NAALADL2: variants seen among roughly 807,000 people sequenced by gnomAD.
NAALADL2 encodes inactive N-acetylated-alpha-linked acidic dipeptidase-like protein 2.
A neutral mutation model predicts 87.2 loss-of-function variants in NAALADL2; 76 were observed. The ratio of observed to expected loss-of-function variants is 0.87; its 90% CI spans 0.72 to 1.05. The LOEUF is 1.05. NAALADL2 is among the 50% of genes least tolerant of loss of function. NAALADL2 has a pLI of 0.00. For synonymous variants in NAALADL2, 354 were observed against 331.0 expected (o/e 1.07, Z -0.75); for missense variants, 1,089 against 945.8 (o/e 1.15, Z -1.99).
At position 174,793,046 on chromosome 3, in the gene NAALADL2, G is replaced by C. The variant is rs191710862; in HGVS notation, c.-9+55300G>C. ...ATTGAAATATGAAGATTCACTTTGAGTGCATGGAACCACTGCACTTAAAAG... is the reference window on the plus strand; with the variant it reads ...ATTGAAATATGAAGATTCACTTTGACTGCATGGAACCACTGCACTTAAAAG... On this transcript the variant is annotated intron_variant, in intron 3 of 3. Transcript: ENST00000434257. 3.4e-4 allele frequency among the ~76,000 whole-genome samples: 52 copies of C among 152,182 alleles called. 1 individual carries two copies. The highest frequency in any genetic ancestry group is 4.1e-4 in the South Asian group (2 of 4,826).
intron 8 of NAALADL2, among the ~76,000 whole-genome samples, 199 bp downstream of exon 8, chr3:175,467,383 C>T (rs1400845779): frequency 1.3e-5 from 2 of 152,092 alleles, no homozygotes; most frequent in Admixed American, 1.3e-4. Context: ...CTTCAAATAT[C>T]TTACCCCTAT....
intron 1 of NAALADL2, among the ~76,000 whole-genome samples, chr3:174,969,841 G>A (rs181987731): frequency 6.6e-6 from 1 of 152,208 alleles, no homozygotes. Context: ...GCAGAAGACA[G>A]AAAATAAAGA....
chr3:174,945,064 C>G (rs1290122580), intron 1 of NAALADL2, among the ~76,000 whole-genome samples: 1 of 152,172 alleles, frequency 6.6e-6, no homozygotes, highest in East Asian at 1.9e-4. Context: ...CCCTCCCCAT[C>G]TAGGTTTTAG....
intron 5 of NAALADL2, among the ~76,000 whole-genome samples, chr3:175,437,822 T>A (rs534332438): frequency 6.6e-6 from 1 of 152,300 alleles, no homozygotes; most frequent in African/African-American, 2.4e-5. Context: ...ATTCTTTTAG[T>A]ATCAGAATGC....
chr3:174,928,008 C>T (rs1304848241), intron 1 of NAALADL2, among the ~76,000 whole-genome samples: 7 of 152,130 alleles, frequency 4.6e-5, no homozygotes, highest in Non-Finnish European at 8.8e-5. Flanking sequence ...ACTATAGCCA[C>T]CTTCTTATTT....
chr3:175,228,634 CTTAAA>C (rs927772427), intron 2 of NAALADL2, among the ~76,000 whole-genome samples: 9 of 151,878 alleles, frequency 5.9e-5, no homozygotes, highest in African/African-American at 1.7e-4. Flanking sequence ...TTAAAAAATT[CTTAAA>C]TTAAAATCAT....
chr3:175,536,674 G>C lies in NAALADL2; in HGVS notation c.1654-39367G>C, dbSNP rs185623289. Among the ~76,000 whole-genome samples, 297 of 152,150 alleles carry C rather than the reference G, an allele frequency of 2.0e-3. 1 individual carries two copies. The highest frequency in any genetic ancestry group is 6.7e-3 in the African/African-American group (279 of 41,532). ...AACCTATTTTATTTTGTTAAAATAA[G>C]AATGTATTATGTTTAGTTTTAGCAG... On this transcript the variant is annotated intron_variant, in intron 9 of 13. Transcript: ENST00000454872.
chr3:175,150,789 A>G (rs1047281510), intron 2 of NAALADL2, among the ~76,000 whole-genome samples: 10 of 152,212 alleles, frequency 6.6e-5, no homozygotes, highest in African/African-American at 2.2e-4. Context: ...TTCATCAAAC[A>G]TTAATGATAG....
At chr3:175,075,518 A>G (rs1470451513) in intron 1 of NAALADL2, among the ~76,000 whole-genome samples, 1 of 152,146 alleles carries the variant, frequency 6.6e-6, no homozygotes, top group African/African-American at 2.4e-5. Context: ...TAGTGATGCA[A>G]TTTTCATTAA....
intron 1 of NAALADL2, among the ~76,000 whole-genome samples, chr3:174,895,966 A>G (rs746252219): frequency 3.9e-5 from 6 of 152,184 alleles, no homozygotes; most frequent in Non-Finnish European, 8.8e-5. Context: ...TTGATGCTGA[A>G]AAAGCATTTG....
intron 11 of NAALADL2, among the ~76,000 whole-genome samples, chr3:175,632,015 T>C (rs890485450): frequency 1.3e-5 from 2 of 152,078 alleles, no homozygotes; most frequent in Admixed American, 6.6e-5. Flanking sequence ...TAATAAATTA[T>C]ATCATATTAA....
rs1051935420 is a variant in NAALADL2 at position 175,517,015 on chromosome 3, A to G, written c.1653+45257A>G. Among the ~76,000 whole-genome samples, 3 of 152,330 alleles carry G rather than the reference A, an allele frequency of 2.0e-5. 1 individual carries two copies. Among genetic ancestry groups the G allele is most frequent in the Non-Finnish European group, 4.4e-5 (3 of 68,032 alleles). On this transcript the variant is annotated intron_variant, in intron 9 of 13. Transcript: ENST00000454872. The stretch of plus-strand genomic sequence containing the variant: ...CTATTTGTCTTTCTAAAATTCTTCA[A>G]GAACAACTCTTCTTTCAGTACAATA...
intron 10 of NAALADL2, among the ~76,000 whole-genome samples, chr3:175,601,266 AAC>A (rs1390794379): frequency 2.0e-5 from 3 of 152,224 alleles, no homozygotes. Context: ...AATAATTAAT[AAC>A]ACCATATTAA....
chr3:174,838,702 G>T (rs1579145813), intron 3 of NAALADL2, among the ~76,000 whole-genome samples: 1 of 151,966 alleles, frequency 6.6e-6, no homozygotes, highest in African/African-American at 2.4e-5. Flanking sequence ...CACCAATAGC[G>T]ACCAATTGGA....
intron 5 of NAALADL2, among the ~76,000 whole-genome samples, chr3:175,364,751 C>T (rs1765378595): frequency 1.4e-5 from 2 of 146,938 alleles, no homozygotes. Context: ...AAATGTATTG[C>T]CTTACATGAG....
At chr3:174,810,205 A>G (rs1050284810) in intron 3 of NAALADL2, among the ~76,000 whole-genome samples, 1 of 152,210 alleles carries the variant, frequency 6.6e-6, no homozygotes, top group African/African-American at 2.4e-5. Flanking sequence ...TGCTGTAAAA[A>G]TACCTGTAAA....
At chr3:175,385,766 C>T (rs1581678605) in intron 5 of NAALADL2, among the ~76,000 whole-genome samples, 4 of 151,890 alleles carry the variant, frequency 2.6e-5, no homozygotes, top group Admixed American at 2.6e-4. Context: ...CAATGAAAAA[C>T]AAACAAATAA....
intron 3 of NAALADL2, among the ~76,000 whole-genome samples, chr3:174,843,218 A>G (rs1724220964): frequency 6.6e-6 from 1 of 152,084 alleles, no homozygotes; most frequent in African/African-American, 2.4e-5. Context: ...TCTAATAGTA[A>G]TCTTGTACTA....
At chr3:175,363,459 T>C (rs1159335888) in intron 5 of NAALADL2, among the ~76,000 whole-genome samples, 1 of 147,358 alleles carries the variant, frequency 6.8e-6, no homozygotes, top group African/African-American at 2.5e-5. Context: ...GGGGAAGAGA[T>C]GCTTGTCTGT....
Sources: gnomAD v4.1 joint callset for allele counts (sites outside exome capture counted in the v4.1 genomes callset) on GRCh38, gnomAD v4.1.1 for gene constraint, MANE v1.5 for transcripts, NCBI Gene and HGNC (gene_info 2026-07-23, HGNC 2026-07-21) for gene names.